The following CA1 variants were observed in gnomAD, a reference collection of about 807,000 sequenced individuals.
CA1 encodes carbonic anhydrase 1, also known as carbonate dehydratase I.
CA1 carries 27 observed loss-of-function variants against 28.8 expected under a neutral mutation model. That is an observed-to-expected ratio of 0.94 (90% CI 0.69 to 1.29). The LOEUF (loss-of-function observed/expected upper bound fraction) is 1.29. Among genes scored for constraint, CA1 ranks in the 50% most tolerant of loss-of-function variants. The pLI is 0.00. For missense variants in CA1, 335 were observed against 310.5 expected (o/e 1.08, Z -0.59); for synonymous variants, 121 against 108.8 (o/e 1.11, Z -0.70).
intron 6 of CA1, 24 bp downstream of exon 6, chr8:85,332,466 A>G: frequency 6.4e-7 from 1 of 1,559,552 alleles, no homozygotes; most frequent in African/African-American, 1.4e-5. Flanking sequence ...TCTCTGATTT[A>G]AACTACTTAT....
At chr8:85,336,578 T>C (rs1409941003) in intron 4 of CA1, among the ~76,000 whole-genome samples, 2 of 152,190 alleles carry the variant, frequency 1.3e-5, no homozygotes, top group Non-Finnish European at 2.9e-5. Context: ...ATACTGCTGG[T>C]GTATCCAAAC....
At chr8:85,340,015 G>GA (rs1016405908) in intron 2 of CA1, among the ~76,000 whole-genome samples, 4 of 152,216 alleles carry the variant, frequency 2.6e-5, no homozygotes, top group Non-Finnish European at 5.9e-5. Context: ...TGCTGATACA[G>GA]AAGCCGCAGA....
At chr8:85,335,615 A>G (rs1208114609) in intron 4 of CA1, among the ~76,000 whole-genome samples, 1 of 152,194 alleles carries the variant, frequency 6.6e-6, no homozygotes, top group African/African-American at 2.4e-5. Context: ...ATTTAATCAT[A>G]TGCTAAACTT....
At chr8:85,350,752 G>T (rs1251863006) in intron 1 of CA1, among the ~76,000 whole-genome samples, 1 of 152,050 alleles carries the variant, frequency 6.6e-6, no homozygotes, top group African/African-American at 2.4e-5. Flanking sequence ...GAGTCCAAAG[G>T]AGTTCTTATG....
intron 4 of CA1, among the ~76,000 whole-genome samples, chr8:85,334,937 C>A (rs1335482655): frequency 6.6e-6 from 1 of 152,094 alleles, no homozygotes; most frequent in African/African-American, 2.4e-5. Flanking sequence ...TTGCAGTAAG[C>A]CGAGATCGTG....
chr8:85,344,942 C>T (rs1277976609), intron 1 of CA1, among the ~76,000 whole-genome samples: 1 of 152,110 alleles, frequency 6.6e-6, no homozygotes, highest in Non-Finnish European at 1.5e-5. Flanking sequence ...TCTCACATTG[C>T]CTCCTAAATT....
rs973166423 is a variant in CA1 at position 85,351,771 on chromosome 8, C to T, written c.-24-10112G>A. ...CTTGAAAATCCAGTTCTTTTCACTA[C>T]CTCTGTGGAAAACCTAGAGGCAAGC... On this transcript the variant is annotated intron_variant, in intron 1 of 7. Coordinates refer to ENST00000523022, the MANE Select transcript of CA1 (RefSeq NM_001128831.4). 3.3e-5 allele frequency: 5 copies of T among 152,200 alleles called. No individual in the cohort carries two copies. The East Asian group carries it at 7.7e-4, about 23-fold the overall frequency. The allele number at this position is 152,200 out of a possible 1,614,324, so 9.4% of individuals were successfully genotyped here. A position where few individuals can be genotyped will look rare whatever the true frequency, so the allele number is the denominator to read the frequency against.
intron 1 of CA1, among the ~76,000 whole-genome samples, chr8:85,374,218 T>TA (rs1438101652): frequency 2.6e-5 from 4 of 152,116 alleles, no homozygotes; most frequent in African/African-American, 4.8e-5. Context: ...TCACAAAATC[T>TA]AAAAAACAAT....
At chr8:85,344,976 C>A (rs934913826) in intron 1 of CA1, among the ~76,000 whole-genome samples, 1 of 152,194 alleles carries the variant, frequency 6.6e-6, no homozygotes, top group Non-Finnish European at 1.5e-5. Flanking sequence ...GAGATGGTAT[C>A]ATTTGGGGTG....
intron 2 of CA1, 169 bp downstream of exon 2, chr8:85,341,430 G>A: frequency 1.8e-6 from 1 of 554,320 alleles, no homozygotes; most frequent in Non-Finnish European, 3.2e-6. Flanking sequence ...AGTCAGCCAT[G>A]CCCCAAAAGA....
chr8:85,365,019 G>A (rs1477941144), intron 1 of CA1, among the ~76,000 whole-genome samples: 2 of 152,180 alleles, frequency 1.3e-5, no homozygotes, highest in Non-Finnish European at 2.9e-5. Flanking sequence ...AGAGGTCCAG[G>A]ATGAGATGGG....
At chr8:85,365,644 T>C (rs1474300369) in intron 1 of CA1, among the ~76,000 whole-genome samples, 1 of 152,254 alleles carries the variant, frequency 6.6e-6, no homozygotes, top group Non-Finnish European at 1.5e-5. Context: ...TTGATTCCTT[T>C]TAAATCTTAT....
At chr8:85,362,538 T>G (rs1046801181) in intron 1 of CA1, among the ~76,000 whole-genome samples, 1 of 152,134 alleles carries the variant, frequency 6.6e-6, no homozygotes, top group African/African-American at 2.4e-5. Context: ...CTGGGTGTAA[T>G]TGAATTGGCA....
chr8:85,347,652 C>T (rs1564031983), intron 1 of CA1, among the ~76,000 whole-genome samples: 1 of 152,144 alleles, frequency 6.6e-6, no homozygotes, highest in Non-Finnish European at 1.5e-5. Context: ...GGGCTTAGAC[C>T]TCACATACTC....
At chr8:85,340,799 C>G (rs969472458) in intron 2 of CA1, among the ~76,000 whole-genome samples, 11 of 152,118 alleles carry the variant, frequency 7.2e-5, no homozygotes, top group Non-Finnish European at 1.2e-4. Flanking sequence ...CAACCACTAT[C>G]CTGATCAGTC....
At position 85,350,935 on chromosome 8, in the gene CA1, C is replaced by CAG. The variant is rs1319057197; in HGVS notation, c.-24-9277_-24-9276insCT. 4.1e-4 allele frequency among the ~76,000 whole-genome samples: 63 copies of CAG among 152,270 alleles called. 1 individual carries two copies. The highest frequency in any genetic ancestry group is 9.1e-4 in the Non-Finnish European group (62 of 68,038). On this transcript the variant is annotated intron_variant, in intron 1 of 7. Coordinates refer to ENST00000523022, the MANE Select transcript of CA1 (RefSeq NM_001128831.4). ...CTAGGGGTGCTTGCTAGCCAGGGTT[C>CAG]ACGTTCGATGTTCTTACAATGCGAT...
At chr8:85,330,275 C>T (rs574455825) in intron 6 of CA1, among the ~76,000 whole-genome samples, 3 of 151,932 alleles carry the variant, frequency 2.0e-5, no homozygotes, top group South Asian at 4.1e-4. Flanking sequence ...TTATTCCTAT[C>T]GTCTTTTCTG....
In CA1 at chr8:85,327,872, T is replaced by A. The variant is rs1402419568; in HGVS notation, c.*688A>T. The A allele has an allele frequency of 6.6e-6, 1 of 152,202 alleles. No homozygotes were observed. The highest frequency in any genetic ancestry group is 1.5e-5 in the Non-Finnish European group (1 of 68,030). The allele number at this position is 152,202 out of a possible 1,614,324, so 9.4% of individuals were successfully genotyped here. ...CCAATTTTAAAGTAAAGATTCTCCATGCAAACTAACTAGTTGTAATAATGG... is the reference window on the plus strand; with the variant it reads ...CCAATTTTAAAGTAAAGATTCTCCAAGCAAACTAACTAGTTGTAATAATGG... On this transcript the variant is annotated 3_prime_UTR_variant, in exon 8 of 8. Coordinates refer to ENST00000523022, the MANE Select transcript of CA1 (RefSeq NM_001128831.4).
At chr8:85,371,062 G>C (rs1440058914) in intron 1 of CA1, among the ~76,000 whole-genome samples, 1 of 152,072 alleles carries the variant, frequency 6.6e-6, no homozygotes, top group East Asian at 1.9e-4. Flanking sequence ...GCCATCTTTA[G>C]GATGGATCCA....
Sources: allele counts gnomAD v4.1 joint callset (sites outside exome capture counted in the v4.1 genomes callset), GRCh38; gene constraint gnomAD v4.1.1; transcripts MANE v1.5; gene names NCBI Gene and HGNC (gene_info 2026-07-23, HGNC 2026-07-21).